SRMS: variants seen among roughly 807,000 people sequenced by gnomAD.
SRMS encodes the protein tyrosine-protein kinase Srms.
Under a neutral mutation model 43.5 loss-of-function variants are expected in SRMS, and 42 were observed. The ratio of observed to expected loss-of-function variants is 0.97; its 90% CI spans 0.75 to 1.25. The LOEUF (loss-of-function observed/expected upper bound fraction) is 1.25, where lower values mean the gene tolerates loss of function less well. Among genes scored for constraint, SRMS ranks in the 50% most tolerant of loss-of-function variants. SRMS has a pLI of 0.00. For missense variants in SRMS, 703 were observed against 681.0 expected (o/e 1.03, Z -0.36); for synonymous variants, 316 against 308.2 (o/e 1.03, Z -0.27).
At chr20:63,544,451 G>A (rs113238013) in intron 1 of SRMS, 103 bp from the exon 2 acceptor site, 18 of 1,339,384 alleles carry the variant, frequency 1.3e-5, no homozygotes, top group African/African-American at 7.7e-5. Flanking sequence ...CTGTCCCACC[G>A]CCTCAGGGAG....
chr20:63,545,211 C>T (rs566631594), intron 1 of SRMS, among the ~76,000 whole-genome samples: 54 of 152,124 alleles, frequency 3.5e-4, no homozygotes, highest in Non-Finnish European at 6.5e-4. Context: ...TCCTGGGAGC[C>T]GGAGGCATCC....
At position 63,547,282 on chromosome 20, in the gene SRMS, T is replaced by A; in HGVS notation, c.182A>T (p.Asp61Val). The change falls in exon 1 of 8, where the codon GAC becomes GTC. Residue 61 changes from aspartate to valine, a missense_variant. Asp to Val is a radical substitution (Grantham distance 152, BLOSUM62 -3). Coordinates refer to ENST00000217188, the MANE Select transcript of SRMS (RefSeq NM_080823.4). ...CTCCCCGCCACACCGCGCCGTGAAG[T>A]CATAGAGCGCAAGGAAGAGCTGAGG... ...PFPQLFLALY[D>V]FTARCGGELS... 1 of 1,608,848 alleles carries A rather than the reference T, an allele frequency of 6.2e-7. No individual in the cohort carries two copies. Among genetic ancestry groups the A allele is most frequent in the Non-Finnish European group, 8.5e-7 (1 of 1,177,352 alleles).
chr20:63,544,721 G>T (rs530322421), intron 1 of SRMS, among the ~76,000 whole-genome samples: 1 of 152,222 alleles, frequency 6.6e-6, no homozygotes, highest in African/African-American at 2.4e-5. Flanking sequence ...TGGAGCTGAC[G>T]GCCTGGTGAG....
chr20:63,546,421 C>T (rs566723267), intron 1 of SRMS, among the ~76,000 whole-genome samples: 18 of 152,324 alleles, frequency 1.2e-4, no homozygotes, highest in East Asian at 5.8e-4. Flanking sequence ...CCAAGGCAGC[C>T]GCTCAGAGCA....
At chr20:63,542,101 C>T (rs1274238414) in intron 5 of SRMS, 62 bp downstream of exon 5, 68 of 1,562,968 alleles carry the variant, frequency 4.4e-5, no homozygotes, top group Non-Finnish European at 5.9e-5. Context: ...CAGCTCTGCG[C>T]CAGGAGGGAA....
chr20:63,545,026 G>A (rs1463782274), intron 1 of SRMS, among the ~76,000 whole-genome samples: 1 of 152,206 alleles, frequency 6.6e-6, no homozygotes, highest in African/African-American at 2.4e-5. Flanking sequence ...ACACCCCCTC[G>A]GAAAAGCCAG....
At position 63,547,238 on chromosome 20, in the gene SRMS, C is replaced by G; in HGVS notation, c.226G>C (p.Asp76His). 6.2e-7 allele frequency: 1 copy of G among 1,611,244 alleles called. No homozygotes were observed. Among genetic ancestry groups the G allele is most frequent in the Non-Finnish European group, 8.5e-7 (1 of 1,179,118 alleles). The change falls in exon 1 of 8, where the codon GAC becomes CAC. Residue 76 changes from aspartate (D) to histidine (H), a missense_variant. Coordinates refer to ENST00000217188, the MANE Select transcript of SRMS (RefSeq NM_080823.4). The part of the protein sequence containing the change: ...CGGELSVRRG[D>H]RLCALEEGGG... ...CCCTCTTCGAGGGCACAGAGCCTGT[C>G]CCCGCGGCGGACACTCAGCTCCCCG...
Position 63,547,100 on chromosome 20 carries a change from G to A in SRMS, c.356+8C>T. ...GGCAGGCTCTGACTCCGAGGCCGAG[G>A]TACTCACGGTTGGTCTGAGAGCGTC... On this transcript the variant is annotated splice_region_variant and intron_variant, in intron 1 of 7. Transcript: ENST00000217188. 6.5e-7 allele frequency: 1 copy of A among 1,539,760 alleles called. No homozygotes were observed. Among genetic ancestry groups the A allele is most frequent in the Non-Finnish European group, 8.8e-7 (1 of 1,139,656 alleles).
chr20:63,544,762 C>T (rs2082722331), intron 1 of SRMS, among the ~76,000 whole-genome samples: 1 of 152,240 alleles, frequency 6.6e-6, no homozygotes, highest in Non-Finnish European at 1.5e-5. Context: ...GCTGTCGTGG[C>T]TGTACAGGGC....
intron 1 of SRMS, among the ~76,000 whole-genome samples, chr20:63,545,176 C>T (rs989273476): frequency 1.3e-5 from 2 of 152,114 alleles, no homozygotes; most frequent in East Asian, 1.9e-4. Flanking sequence ...CCAGGTGGGC[C>T]GCCCACCAGG....
rs1453997254 is a variant in SRMS at position 63,538,843 on chromosome 20, G to A, written c.*1975C>T. ...GGAAGCCTCGAGTATCCCTGAGTTC[G>A]GACGTGCAGGACTTTCAGTCTAAGC... On this transcript the variant is annotated 3_prime_UTR_variant, in exon 8 of 8. Coordinates refer to ENST00000217188, the MANE Select transcript of SRMS (RefSeq NM_080823.4). 1.3e-5 allele frequency among the ~76,000 whole-genome samples: 2 copies of A among 152,054 alleles called. No homozygotes were observed. Among genetic ancestry groups the A allele is most frequent in the African/African-American group, 4.8e-5 (2 of 41,400 alleles).
intron 4 of SRMS, 21 bp downstream of exon 4, chr20:63,542,419 C>T (rs893008002): frequency 6.2e-6 from 10 of 1,604,752 alleles, no homozygotes; most frequent in African/African-American, 2.7e-5. Flanking sequence ...CCGGCCGTGG[C>T]GCAGGATCTC....
At chr20:63,541,819 C>G (rs1228939054) in intron 5 of SRMS, among the ~76,000 whole-genome samples, 199 bp from the exon 6 acceptor site, 1 of 152,258 alleles carries the variant, frequency 6.6e-6, no homozygotes, top group East Asian at 1.9e-4. Flanking sequence ...ACCCGGCAGC[C>G]GGCCCAGGCC....
chr20:63,540,698 G>A lies in SRMS; in HGVS notation c.*120C>T, dbSNP rs1478259279. 8.4e-5 allele frequency: 110 copies of A among 1,306,282 alleles called. No homozygotes were observed. The highest frequency in any genetic ancestry group is 1.1e-4 in the Non-Finnish European group (106 of 962,392). The allele number at this position is 1,306,282 out of a possible 1,614,324, so 80.9% of individuals were successfully genotyped here. On this transcript the variant is annotated 3_prime_UTR_variant, in exon 8 of 8. Transcript: ENST00000217188. Reference sequence around the variant, plus strand: ...TGCACGAACATGTGTGCACGCCAGGGCCTGAGGCCCACAGCCAGAGGCTCC... The same window carrying A: ...TGCACGAACATGTGTGCACGCCAGGACCTGAGGCCCACAGCCAGAGGCTCC...
intron 6 of SRMS, 37 bp from the exon 7 acceptor site, chr20:63,541,384 A>AC: frequency 1.3e-6 from 2 of 1,548,900 alleles, no homozygotes; most frequent in Non-Finnish European, 1.7e-6. Context: ...GGGCAGGTGG[A>AC]CCGGGGTCCC....
In SRMS at chr20:63,541,294, C is replaced by T. The variant is rs1234580530; in HGVS notation, c.1182G>A (p.Ala394=). ...SSSKIPVKWT[A]PEAANYRVFS... ...AGACACGATAATTGGCCGCCTCAGG[C>T]GCTGTCCACTTGACCGGGATCTTGG... Residue 394 remains alanine (A), a synonymous_variant, in exon 7 of 8, where the codon GCG becomes GCA. Coordinates refer to ENST00000217188, the MANE Select transcript of SRMS (RefSeq NM_080823.4). The T allele has an allele frequency of 7.7e-6, 12 of 1,560,818 alleles. No individual in the cohort carries two copies. Among genetic ancestry groups the T allele is most frequent in the South Asian group, 1.2e-5 (1 of 83,450 alleles).
At position 63,541,620 on chromosome 20, in the gene SRMS, G is replaced by A; in HGVS notation, c.947C>T (p.Thr316Ile). 1.1e-5 allele frequency: 17 copies of A among 1,537,866 alleles called. No individual in the cohort carries two copies. The highest frequency in any genetic ancestry group is 1.5e-5 in the Non-Finnish European group (17 of 1,147,370). The change falls in exon 6 of 8, where the codon ACC becomes ATC. Residue 316 changes from threonine to isoleucine, a missense_variant and splice_region_variant. By Grantham distance (89) the Thr-to-Ile change is moderately conservative (BLOSUM62 -1). Transcript: ENST00000217188. ...RKGNLQAFLG[T>I]PEGRALRLPP... Reference sequence around the variant, plus strand: ...CAGACGCAGGGCCCGGCCCTCGGGGGCTGCAGGAGACAGCGCGGGGTCTTT... The same window carrying A: ...CAGACGCAGGGCCCGGCCCTCGGGGACTGCAGGAGACAGCGCGGGGTCTTT...
In SRMS at chr20:63,547,182, C is replaced by T. The variant is rs549550690; in HGVS notation, c.282G>A (p.Ser94=). 2.9e-5 allele frequency: 46 copies of T among 1,611,746 alleles called. No homozygotes were observed. The highest frequency in any genetic ancestry group is 1.3e-4 in the East Asian group (6 of 44,826). ...GGGYIFARRL[S]GQPSAGLVPI... is the part of the protein sequence containing the mutation. ...GCACGAGCCCGGCGCTGGGCTGGCCCGAAAGCCTGCGTGCGAAGATGTAGC... is the reference window on the plus strand; with the variant it reads ...GCACGAGCCCGGCGCTGGGCTGGCCTGAAAGCCTGCGTGCGAAGATGTAGC... The change falls in exon 1 of 8, where the codon TCG becomes TCA. Residue 94 remains serine (S), a synonymous_variant. Transcript: ENST00000217188.
chr20:63,541,140 G>A, intron 7 of SRMS, 51 bp downstream of exon 7: 1 of 1,548,528 alleles, frequency 6.5e-7, no homozygotes, highest in East Asian at 2.3e-5. Context: ...CCCGGGGCCA[G>A]TGACTCCTGG....
Sources: gnomAD v4.1 joint callset for allele counts (sites outside exome capture counted in the v4.1 genomes callset) on GRCh38, gnomAD v4.1.1 for gene constraint, MANE v1.5 for transcripts, NCBI Gene and HGNC (gene_info 2026-07-23, HGNC 2026-07-21) for gene names.